Variants in KCNB2 observed in about 807,000 individuals in gnomAD.
KCNB2 encodes delayed rectifier potassium channel protein.
A neutral mutation model predicts 61.5 loss-of-function variants in KCNB2; 15 were observed. That is an observed-to-expected ratio of 0.24 (90% CI 0.16 to 0.38). The LOEUF (loss-of-function observed/expected upper bound fraction) is 0.38. Among genes scored for constraint, KCNB2 ranks in the 10% least tolerant of loss-of-function variants. The pLI, the probability that KCNB2 is intolerant of heterozygous loss-of-function variation, is 1.00. For synonymous variants in KCNB2, 457 were observed against 446.0 expected (o/e 1.02, Z -0.31); for missense variants, 828 against 1,125.2 (o/e 0.74, Z 3.78).
At chr8:72,771,875 A>G (rs1195010302) in intron 2 of KCNB2, among the ~76,000 whole-genome samples, 1 of 152,188 alleles carries the variant, frequency 6.6e-6, no homozygotes, top group Admixed American at 6.5e-5. Flanking sequence ...GTCTTCAGGA[A>G]GGCCTAGGAG....
At chr8:72,813,210 G>A (rs1050762261) in intron 2 of KCNB2, among the ~76,000 whole-genome samples, 14 of 152,166 alleles carry the variant, frequency 9.2e-5, no homozygotes, top group Admixed American at 4.6e-4. Context: ...AGGAAACCGT[G>A]CCCAACCAGT....
intron 2 of KCNB2, among the ~76,000 whole-genome samples, chr8:72,686,671 T>C (rs1045914064): frequency 6.6e-6 from 1 of 152,202 alleles, no homozygotes; most frequent in African/African-American, 2.4e-5. Context: ...TGTTCGGTAA[T>C]GACCTCTCAG....
At chr8:72,605,714 G>C (rs12546184) in intron 2 of KCNB2, among the ~76,000 whole-genome samples, 56,968 of 152,028 alleles carry the variant, frequency 0.37, 13,073 homozygotes, top group Non-Finnish European at 0.51. Flanking sequence ...TATTCCAAAT[G>C]AATCTTTTTT....
chr8:72,797,324 C>T (rs1176835600), intron 2 of KCNB2, among the ~76,000 whole-genome samples: 1 of 152,160 alleles, frequency 6.6e-6, no homozygotes, highest in Non-Finnish European at 1.5e-5. Flanking sequence ...CATTTTGTCA[C>T]CTCAGAAACC....
intron 2 of KCNB2, among the ~76,000 whole-genome samples, chr8:72,591,160 A>G (rs1387834733): frequency 6.6e-6 from 1 of 152,030 alleles, no homozygotes; most frequent in Admixed American, 6.6e-5. Context: ...AGTACCTCCT[A>G]AGTGTACTTT....
chr8:72,600,553 C>A (rs1432658773), intron 2 of KCNB2, among the ~76,000 whole-genome samples: 1 of 151,612 alleles, frequency 6.6e-6, no homozygotes, highest in East Asian at 1.9e-4. Context: ...TGTAACAAAC[C>A]TGTACGTTGT....
intron 2 of KCNB2, among the ~76,000 whole-genome samples, chr8:72,803,810 T>G (rs1585902701): frequency 6.6e-6 from 1 of 152,172 alleles, no homozygotes; most frequent in South Asian, 2.1e-4. Context: ...AAACTGTGCT[T>G]CTTCTGGGCT....
At chr8:72,729,534 T>A (rs1203275637) in intron 2 of KCNB2, among the ~76,000 whole-genome samples, 2 of 152,106 alleles carry the variant, frequency 1.3e-5, no homozygotes, top group South Asian at 4.1e-4. Context: ...GGAAGACAAA[T>A]CCATTTTATG....
intron 2 of KCNB2, among the ~76,000 whole-genome samples, chr8:72,657,827 A>G (rs1052252915): frequency 2.0e-5 from 3 of 152,110 alleles, no homozygotes; most frequent in Non-Finnish European, 2.9e-5. Context: ...TCACATTTAT[A>G]TAACGTATAT....
chr8:72,933,030 A>C (rs1806822357), intron 2 of KCNB2, among the ~76,000 whole-genome samples: 1 of 152,230 alleles, frequency 6.6e-6, no homozygotes. Flanking sequence ...ATTGAATTTC[A>C]ACATGAGAAA....
intron 2 of KCNB2, among the ~76,000 whole-genome samples, chr8:72,584,350 G>C (rs1391740355): frequency 6.6e-6 from 1 of 152,114 alleles, no homozygotes; most frequent in Non-Finnish European, 1.5e-5. Flanking sequence ...GTTTGGCTCT[G>C]GAACCTGGGA....
chr8:72,794,746 G>A (rs966856349), intron 2 of KCNB2, among the ~76,000 whole-genome samples: 21 of 152,112 alleles, frequency 1.4e-4, no homozygotes, highest in African/African-American at 4.3e-4. Context: ...AGATAATTAT[G>A]GAGCTCAGCA....
At chr8:72,831,518 C>T (rs1159907841) in intron 2 of KCNB2, among the ~76,000 whole-genome samples, 1 of 152,192 alleles carries the variant, frequency 6.6e-6, no homozygotes, top group Admixed American at 6.5e-5. Flanking sequence ...GAAGATTACA[C>T]TTTGTGGGTG....
At chr8:72,802,703 G>A (rs1809152463) in intron 2 of KCNB2, among the ~76,000 whole-genome samples, 1 of 152,094 alleles carries the variant, frequency 6.6e-6, no homozygotes, top group Non-Finnish European at 1.5e-5. Flanking sequence ...CATCATCTTA[G>A]GGAGCCACCT....
chr8:72,851,840 A>AAAAAAAAAACAAAAC (rs1554538995), intron 2 of KCNB2, among the ~76,000 whole-genome samples: 4 of 134,462 alleles, frequency 3.0e-5, no homozygotes, highest in African/African-American at 6.0e-5. Context: ...AAAAAAAAAA[A>AAAAAAAAAACAAAAC]AAAAAAAACA....
At chr8:72,915,086 T>G (rs1485987745) in intron 2 of KCNB2, among the ~76,000 whole-genome samples, 27 of 151,956 alleles carry the variant, frequency 1.8e-4, no homozygotes, top group Admixed American at 1.8e-3. Context: ...TTTTGTATTT[T>G]TATTAGAGAC....
At chr8:72,760,919 G>A (rs1373507405) in intron 2 of KCNB2, among the ~76,000 whole-genome samples, 1 of 152,072 alleles carries the variant, frequency 6.6e-6, no homozygotes, top group Non-Finnish European at 1.5e-5. Context: ...GAGAAACAGA[G>A]CTCATCACCT....
At chr8:72,708,544 T>G (rs778310663) in intron 2 of KCNB2, among the ~76,000 whole-genome samples, 1 of 152,178 alleles carries the variant, frequency 6.6e-6, no homozygotes, top group African/African-American at 2.4e-5. Flanking sequence ...TCATCAAGGG[T>G]TGAAACAAGC....
At chr8:72,545,760 A>G (rs1249913528) in intron 1 of KCNB2, among the ~76,000 whole-genome samples, 3 of 152,324 alleles carry the variant, frequency 2.0e-5, no homozygotes, top group African/African-American at 4.8e-5. Flanking sequence ...GAAAGCCAAG[A>G]TAGGCTGAGA....
Sources: allele counts gnomAD v4.1 joint callset (sites outside exome capture counted in the v4.1 genomes callset), GRCh38; gene constraint gnomAD v4.1.1; transcripts MANE v1.5; gene names NCBI Gene and HGNC (gene_info 2026-07-23, HGNC 2026-07-21).